The following TTC27 variants were observed in gnomAD, a reference collection of about 807,000 sequenced individuals.
The protein encoded by TTC27 is tetratricopeptide repeat domain 27.
A neutral mutation model predicts 115.9 loss-of-function variants in TTC27; 79 were observed. That is an observed-to-expected ratio of 0.68 (90% CI 0.57 to 0.82). TTC27 has a LOEUF of 0.82. TTC27 is among the 40% of genes least tolerant of loss of function. The pLI is 0.00. For missense variants in TTC27, 1,054 were observed against 993.1 expected, an observed-to-expected ratio of 1.06 and a Z score of -0.82; for synonymous variants, 401 against 356.0, an observed-to-expected ratio of 1.13 and a Z score of -1.42.
rs184740687 is a variant in TTC27, at chr2:32,796,071, C to T, written c.1998+8922C>T. 1.1e-4 allele frequency among the ~76,000 whole-genome samples: 16 copies of T among 152,034 alleles called. No homozygotes were observed. In the East Asian group the frequency reaches 1.7e-3, roughly 16 times the overall value. On this transcript the variant is annotated intron_variant, in intron 16 of 19. Transcript: ENST00000317907. ...TATGTAGAAAATGCTAAAGAGTCCA[C>T]GAAAAAGCTGTTAGAACTAATAAAT...
At chr2:32,695,959 A>G (rs977475457) in intron 9 of TTC27, among the ~76,000 whole-genome samples, 1 of 150,888 alleles carries the variant, frequency 6.6e-6, no homozygotes, top group Admixed American at 6.6e-5. Context: ...AAATAAACAA[A>G]TAAAAATACG....
At chr2:32,727,038 C>T (rs188857364) in intron 10 of TTC27, among the ~76,000 whole-genome samples, 67 of 152,198 alleles carry the variant, frequency 4.4e-4, no homozygotes, top group South Asian at 2.3e-3. Flanking sequence ...TACCTCCCAC[C>T]GGGTCCCTCC....
chr2:32,736,703 G>T lies in TTC27; in HGVS notation c.1339G>T (p.Ala447Ser). 1 of 1,613,694 alleles carries T rather than the reference G, an allele frequency of 6.2e-7. No individual in the cohort carries two copies. The highest frequency in any genetic ancestry group is 1.1e-5 in the South Asian group (1 of 91,028). Residue 447 changes from alanine to serine, a missense_variant, in exon 12 of 20, where the codon GCA (alanine) becomes TCA (serine). Transcript: ENST00000317907. ...TACTTGATTTTTCTAGCGCCAACTT[G>T]CAAGTTTGCTCTTTGAGTTGGGATG... ...PPHWAIQRQL[A>S]SLLFELGCTS... is the part of the protein sequence containing the mutation.
At chr2:32,749,279 G>C (rs576262921) in intron 12 of TTC27, among the ~76,000 whole-genome samples, 15 of 152,252 alleles carry the variant, frequency 9.9e-5, no homozygotes, top group African/African-American at 3.4e-4. Context: ...AGCTTTTCCA[G>C]GGAATCACTA....
At chr2:32,709,667 A>G (rs1411595401) in intron 10 of TTC27, among the ~76,000 whole-genome samples, 1 of 152,086 alleles carries the variant, frequency 6.6e-6, no homozygotes, top group Non-Finnish European at 1.5e-5. Flanking sequence ...TCTCTTCCCT[A>G]TCACTGGATA....
At chr2:32,668,550 C>CT in intron 7 of TTC27, among the ~76,000 whole-genome samples, 1 of 63,742 alleles carries the variant, frequency 1.6e-5, no homozygotes, top group Non-Finnish European at 3.0e-5. Flanking sequence ...CCCTCCCTCC[C>CT]TCCCTCCCTC....
intron 11 of TTC27, among the ~76,000 whole-genome samples, chr2:32,735,390 T>C (rs948851962): frequency 6.6e-6 from 1 of 152,204 alleles, no homozygotes; most frequent in African/African-American, 2.4e-5. Flanking sequence ...TGAGCTGTTA[T>C]GACAAAATGT....
intron 4 of TTC27, among the ~76,000 whole-genome samples, chr2:32,648,642 T>G (rs1033279171): frequency 6.6e-6 from 1 of 151,778 alleles, no homozygotes; most frequent in East Asian, 1.9e-4. Context: ...GTTGATCAAG[T>G]AAGAAAAAGC....
At chr2:32,686,011 A>C (rs1666616175) in intron 9 of TTC27, among the ~76,000 whole-genome samples, 1 of 152,232 alleles carries the variant, frequency 6.6e-6, no homozygotes, top group Admixed American at 6.5e-5. Context: ...AGTTCTTAGA[A>C]TACAAGGTCA....
intron 3 of TTC27, among the ~76,000 whole-genome samples, chr2:32,637,897 T>C (rs1194985374): frequency 1.3e-5 from 2 of 152,184 alleles, no homozygotes; most frequent in Non-Finnish European, 2.9e-5. Flanking sequence ...GAAGGTCTTC[T>C]CTTTTTGTGT....
chr2:32,672,232 T>A, intron 7 of TTC27, 40 bp from the exon 8 acceptor site: 2 of 1,476,662 alleles, frequency 1.4e-6, no homozygotes, highest in Non-Finnish European at 1.9e-6. Flanking sequence ...TGAATAAAAT[T>A]TAATTTTTGG....
rs572135764 is a variant in TTC27 at position 32,684,343 on chromosome 2, G to A, written c.1119+5421G>A. On this transcript the variant is annotated intron_variant, in intron 9 of 19. Transcript: ENST00000317907. ...CTATCATTGTTGGACATTTGGGTTG[G>A]TTCCAAGTCTTTGCTATTGTGAATA... Among the ~76,000 whole-genome samples, 1,046 of 151,906 alleles carry A rather than the reference G, an allele frequency of 6.9e-3. 8 individuals are homozygous for A. The highest frequency in any genetic ancestry group is 0.011 in the Admixed American group (173 of 15,240).
chr2:32,673,641 A>G (rs1243975157), intron 8 of TTC27, among the ~76,000 whole-genome samples: 2 of 152,224 alleles, frequency 1.3e-5, no homozygotes, highest in Non-Finnish European at 2.9e-5. Context: ...GTTAACTTCA[A>G]TCACATGATT....
At chr2:32,633,830 A>T (rs1247883445) in intron 2 of TTC27, 46 bp from the exon 3 acceptor site, 12 of 1,577,268 alleles carry the variant, frequency 7.6e-6, no homozygotes, top group Non-Finnish European at 1.0e-5. Context: ...GAGATTATAC[A>T]GTGATAGTAG....
chr2:32,754,605 T>A (rs112485930), intron 12 of TTC27, among the ~76,000 whole-genome samples: 47,427 of 148,052 alleles, frequency 0.32, 8,195 homozygotes, highest in Non-Finnish European at 0.37. Flanking sequence ...TTCCCCCTTT[T>A]CTATTCCACA....
At chr2:32,659,966 CA>C (rs1277788489) in intron 5 of TTC27, among the ~76,000 whole-genome samples, 5 of 152,142 alleles carry the variant, frequency 3.3e-5, no homozygotes, top group African/African-American at 1.2e-4. Flanking sequence ...AACAGTGCTG[CA>C]GTAAACATAT....
chr2:32,726,212 C>T (rs1435690916), intron 10 of TTC27, among the ~76,000 whole-genome samples: 3 of 152,216 alleles, frequency 2.0e-5, no homozygotes, highest in Non-Finnish European at 4.4e-5. Flanking sequence ...GTTACTTATG[C>T]AAATTTCTGC....
intron 10 of TTC27, among the ~76,000 whole-genome samples, chr2:32,718,739 G>A (rs904630914): frequency 1.3e-5 from 2 of 152,160 alleles, no homozygotes; most frequent in African/African-American, 4.8e-5. Flanking sequence ...TGCAGACTCT[G>A]CACTGTGACC....
At chr2:32,790,354 CCTCA>C (rs1180133447) in intron 16 of TTC27, among the ~76,000 whole-genome samples, 1 of 150,822 alleles carries the variant, frequency 6.6e-6, no homozygotes, top group Non-Finnish European at 1.5e-5. Flanking sequence ...TCTGTTTTTT[CCTCA>C]CTATTTGTAA....
Sources: allele counts gnomAD v4.1 joint callset (sites outside exome capture counted in the v4.1 genomes callset), GRCh38; gene constraint gnomAD v4.1.1; transcripts MANE v1.5; gene names NCBI Gene and HGNC (gene_info 2026-07-23, HGNC 2026-07-21).